The following PSPC1 variants were observed in gnomAD, a reference collection of about 807,000 sequenced individuals.
PSPC1 encodes paraspeckle component 1.
A neutral mutation model predicts 51.6 loss-of-function variants in PSPC1; 14 were observed. The ratio of observed to expected loss-of-function variants is 0.27; its 90% CI spans 0.18 to 0.42. PSPC1 has a LOEUF of 0.42. PSPC1 is among the 10% of genes least tolerant of loss of function. The pLI, the probability that PSPC1 is intolerant of heterozygous loss-of-function variation, is 1.00. For missense variants in PSPC1, 406 were observed against 701.1 expected, an observed-to-expected ratio of 0.58 and a Z score of 4.75; for synonymous variants, 193 against 231.9, an observed-to-expected ratio of 0.83 and a Z score of 1.53.
intron 6 of PSPC1, among the ~76,000 whole-genome samples, chr13:19,714,345 C>A (rs1313436063): frequency 6.6e-6 from 1 of 152,100 alleles, no homozygotes; most frequent in African/African-American, 2.4e-5. Context: ...CATGTAACTT[C>A]TTTTTAATTT....
At chr13:19,768,131 A>C (rs1888246447) in intron 2 of PSPC1, among the ~76,000 whole-genome samples, 1 of 151,990 alleles carries the variant, frequency 6.6e-6, no homozygotes, top group Non-Finnish European at 1.5e-5. Context: ...AGGCTGAGGA[A>C]GGAGAATCAT....
intron 4 of PSPC1, among the ~76,000 whole-genome samples, chr13:19,749,526 C>CAA (rs777351117): frequency 2.3e-4 from 23 of 98,342 alleles, no homozygotes; most frequent in South Asian, 9.4e-4. Context: ...GATTCTGTCT[C>CAA]AAAAAAAAAA....
chr13:19,743,240 GCTTTTATTTTCCTTTTCTCTTTATATC>G (rs1885614252), intron 4 of PSPC1, among the ~76,000 whole-genome samples: 1 of 152,134 alleles, frequency 6.6e-6, no homozygotes, highest in Non-Finnish European at 1.5e-5. Context: ...ATTGCTGGTT[GCTTTTATTTTCCTTTTCTCTTTATATC>G]TGAAATGTCT....
chr13:19,778,287 T>G (rs1220703237), intron 1 of PSPC1, among the ~76,000 whole-genome samples: 1 of 104,360 alleles, frequency 9.6e-6, no homozygotes, highest in African/African-American at 2.6e-5. Flanking sequence ...AGATTAATTT[T>G]TTAAAAAAGA....
intron 6 of PSPC1, among the ~76,000 whole-genome samples, chr13:19,682,582 T>TG (rs1223412892): frequency 6.7e-6 from 1 of 149,750 alleles, no homozygotes; most frequent in African/African-American, 2.5e-5. Context: ...AAAAAAGTTA[T>TG]GAGGAAAAGC....
chr13:19,687,376 T>C (rs760815732), intron 6 of PSPC1, among the ~76,000 whole-genome samples: 1 of 152,174 alleles, frequency 6.6e-6, no homozygotes, highest in Non-Finnish European at 1.5e-5. Context: ...GACACCCAAA[T>C]CACTCTGTGG....
chr13:19,776,480 C>G (rs114980389), intron 1 of PSPC1, among the ~76,000 whole-genome samples: 1 of 151,938 alleles, frequency 6.6e-6, no homozygotes, highest in Admixed American at 6.6e-5. Context: ...AATCACCAAC[C>G]AGTACACTTA....
chr13:19,675,120 C>CCTT (rs1876495459), intron 7 of PSPC1: 1 of 152,926 alleles, frequency 6.5e-6, no homozygotes, highest in South Asian at 2.1e-4. Flanking sequence ...AGCACACACT[C>CCTT]CTTCCTGTGC....
intron 6 of PSPC1, among the ~76,000 whole-genome samples, chr13:19,725,798 G>C (rs1390971363): frequency 6.6e-6 from 1 of 152,102 alleles, no homozygotes; most frequent in African/African-American, 2.4e-5. Context: ...CCCAAATCAA[G>C]GTTGCCACAC....
rs183733041 is a variant in PSPC1, at chr13:19,741,774, G to C, written c.968-125C>G. 1.3e-4 allele frequency: 69 copies of C among 526,692 alleles called. No homozygotes were observed. The East Asian group carries it at 2.1e-3, about 16-fold the overall frequency. The allele number at this position is 526,692 out of a possible 1,614,324, so 32.6% of individuals were successfully genotyped here. A position where few individuals can be genotyped will look rare whatever the true frequency, so the allele number is the denominator to read the frequency against. On this transcript the variant is annotated intron_variant, in intron 4 of 8. Coordinates refer to ENST00000338910, the MANE Select transcript of PSPC1 (RefSeq NM_001354909.2). The stretch of plus-strand genomic sequence containing the variant: ...TATTACTCATTTTATAATAATGTAA[G>C]CTGGGTAATTAAATAAATATCCTTT...
intron 3 of PSPC1, among the ~76,000 whole-genome samples, chr13:19,756,192 T>C (rs1887050940): frequency 6.6e-6 from 1 of 152,012 alleles, no homozygotes; most frequent in Non-Finnish European, 1.5e-5. Flanking sequence ...GAGCTGAGAC[T>C]GCACCACTGC....
At chr13:19,694,330 T>A (rs1018748749) in intron 6 of PSPC1, among the ~76,000 whole-genome samples, 8 of 151,716 alleles carry the variant, frequency 5.3e-5, no homozygotes, top group African/African-American at 1.9e-4. Context: ...TCTTCTAAGA[T>A]CAGGGCCAAG....
At chr13:19,756,430 A>G (rs1887077699) in intron 3 of PSPC1, among the ~76,000 whole-genome samples, 1 of 152,086 alleles carries the variant, frequency 6.6e-6, no homozygotes, top group Admixed American at 6.6e-5. Context: ...CAGGAGGAAG[A>G]GTCAAGCAGG....
intron 6 of PSPC1, among the ~76,000 whole-genome samples, chr13:19,679,674 A>G (rs555688544): frequency 6.6e-6 from 1 of 152,290 alleles, no homozygotes; most frequent in Non-Finnish European, 1.5e-5. Context: ...TGTACATGGG[A>G]TATGTGAAAT....
At chr13:19,704,048 T>A (rs184832108) in intron 8 of PSPC1, among the ~76,000 whole-genome samples, 1 of 152,378 alleles carries the variant, frequency 6.6e-6, no homozygotes, top group East Asian at 1.9e-4. Flanking sequence ...CTCCCTGAAG[T>A]GTAGCAGTAA....
At chr13:19,777,622 A>T (rs369451120) in intron 1 of PSPC1, among the ~76,000 whole-genome samples, 10 of 152,152 alleles carry the variant, frequency 6.6e-5, no homozygotes, top group African/African-American at 2.4e-4. Flanking sequence ...CCTTCTCTTG[A>T]AGCCACTTAC....
chr13:19,711,013 T>A (rs558010185), intron 6 of PSPC1, among the ~76,000 whole-genome samples: 56 of 151,458 alleles, frequency 3.7e-4, no homozygotes, highest in African/African-American at 1.2e-3. Flanking sequence ...AATTTTTGAA[T>A]TTTTTTTTGT....
At chr13:19,760,117 G>A (rs901066811) in intron 2 of PSPC1, among the ~76,000 whole-genome samples, 2 of 152,096 alleles carry the variant, frequency 1.3e-5, no homozygotes, top group African/African-American at 4.8e-5. Context: ...TTTTTCTCAA[G>A]TGAGACATTT....
At chr13:19,763,136 T>A (rs2138227659) in intron 2 of PSPC1, among the ~76,000 whole-genome samples, 1 of 152,240 alleles carries the variant, frequency 6.6e-6, no homozygotes, top group Admixed American at 6.6e-5. Context: ...AAATTCTGTT[T>A]ACCATAGGTA....
Sources: gnomAD v4.1 joint callset for allele counts (sites outside exome capture counted in the v4.1 genomes callset) on GRCh38, gnomAD v4.1.1 for gene constraint, MANE v1.5 for transcripts, NCBI Gene and HGNC (gene_info 2026-07-23, HGNC 2026-07-21) for gene names.